B3GALT1: variants seen among roughly 807,000 people sequenced by gnomAD.
B3GALT1 encodes beta-1,3-galactosyltransferase 1.
A neutral mutation model predicts 23.2 loss-of-function variants in B3GALT1; 10 were observed. The ratio of observed to expected loss-of-function variants is 0.43; its 90% CI spans 0.27 to 0.73. The LOEUF (loss-of-function observed/expected upper bound fraction) is 0.73, where lower values mean the gene tolerates loss of function less well. Among genes scored for constraint, B3GALT1 ranks in the 30% least tolerant of loss-of-function variants. The pLI, the probability that B3GALT1 is intolerant of heterozygous loss-of-function variation, is 0.21. For missense variants in B3GALT1, 299 were observed against 405.4 expected, an observed-to-expected ratio of 0.74 and a Z score of 2.25; for synonymous variants, 156 against 141.5, an observed-to-expected ratio of 1.10 and a Z score of -0.73.
chr2:167,586,160 T>G (rs940183021), intron 2 of B3GALT1, among the ~76,000 whole-genome samples: 3 of 152,164 alleles, frequency 2.0e-5, no homozygotes, highest in African/African-American at 7.2e-5. Flanking sequence ...AAAGTTTGCT[T>G]AAAAGTTAGA....
intron 2 of B3GALT1, among the ~76,000 whole-genome samples, chr2:167,592,930 G>C (rs773793139): frequency 1.3e-5 from 2 of 152,210 alleles, no homozygotes; most frequent in Admixed American, 1.3e-4. Context: ...AAGATGGTCA[G>C]TGTCATGCGT....
chr2:167,827,308 C>G (rs1005591262), intron 4 of B3GALT1, among the ~76,000 whole-genome samples: 2 of 152,174 alleles, frequency 1.3e-5, no homozygotes, highest in Non-Finnish European at 2.9e-5. Context: ...AAGCAGGGTA[C>G]AAGGTGGTCT....
chr2:167,729,877 T>G (rs1005086894), intron 3 of B3GALT1, among the ~76,000 whole-genome samples: 1 of 152,174 alleles, frequency 6.6e-6, no homozygotes, highest in Non-Finnish European at 1.5e-5. Context: ...CCTGCCAAGC[T>G]GCAGGTGGTG....
At chr2:167,733,736 T>A (rs545144613) in intron 3 of B3GALT1, among the ~76,000 whole-genome samples, 1 of 152,202 alleles carries the variant, frequency 6.6e-6, no homozygotes, top group Non-Finnish European at 1.5e-5. Flanking sequence ...GTTCTACTAT[T>A]AAACGACCCA....
At chr2:167,658,670 T>C (rs923824775) in intron 3 of B3GALT1, among the ~76,000 whole-genome samples, 2 of 152,098 alleles carry the variant, frequency 1.3e-5, no homozygotes, top group Admixed American at 1.3e-4. Context: ...ATGGAAACTG[T>C]ATGAATAGGT....
chr2:167,359,780 T>C (rs918433798), intron 1 of B3GALT1, among the ~76,000 whole-genome samples: 9 of 144,246 alleles, frequency 6.2e-5, no homozygotes, highest in South Asian at 4.4e-4. Context: ...TTTTTTTTTT[T>C]CTAAACATTT....
At chr2:167,568,727 A>C (rs1259669698) in intron 2 of B3GALT1, among the ~76,000 whole-genome samples, 1 of 151,822 alleles carries the variant, frequency 6.6e-6, no homozygotes, top group Non-Finnish European at 1.5e-5. Context: ...TTAAATTTTC[A>C]TGAAGTCCAG....
chr2:167,505,478 C>T (rs1468056970), intron 2 of B3GALT1, among the ~76,000 whole-genome samples: 2 of 151,990 alleles, frequency 1.3e-5, no homozygotes, highest in Admixed American at 6.6e-5. Context: ...TATCAATGGC[C>T]AAGTTACAGA....
chr2:167,485,856 T>A (rs188864783), intron 1 of B3GALT1, among the ~76,000 whole-genome samples: 148 of 152,334 alleles, frequency 9.7e-4, no homozygotes, highest in African/African-American at 3.3e-3. Flanking sequence ...CATTAAGTTA[T>A]AGCTGCTTAA....
At chr2:167,360,990 C>T (rs180697093) in intron 1 of B3GALT1, among the ~76,000 whole-genome samples, 14 of 152,234 alleles carry the variant, frequency 9.2e-5, no homozygotes, top group African/African-American at 3.4e-4. Context: ...TTTCACTTAA[C>T]GTAATGGCTT....
At chr2:167,761,873 C>A (rs1050476247) in intron 3 of B3GALT1, among the ~76,000 whole-genome samples, 1 of 152,188 alleles carries the variant, frequency 6.6e-6, no homozygotes, top group Non-Finnish European at 1.5e-5. Context: ...CTCTCATGGT[C>A]TCTCATGTCT....
intron 3 of B3GALT1, among the ~76,000 whole-genome samples, chr2:167,778,263 C>A (rs970319241): frequency 5.3e-5 from 8 of 152,114 alleles, no homozygotes; most frequent in Non-Finnish European, 1.0e-4. Flanking sequence ...TTGTGTTCTA[C>A]TGTCTCCTCT....
chr2:167,378,543 G>C (rs975356770), intron 1 of B3GALT1, among the ~76,000 whole-genome samples: 1 of 149,542 alleles, frequency 6.7e-6, no homozygotes, highest in Non-Finnish European at 1.5e-5. Context: ...TTTTATTTTT[G>C]TCTGACTGGG....
intron 2 of B3GALT1, among the ~76,000 whole-genome samples, chr2:167,588,169 T>C (rs2105413220): frequency 6.6e-6 from 1 of 152,346 alleles, no homozygotes; most frequent in East Asian, 1.9e-4. Context: ...AGCTCAGGAC[T>C]ATGCCTTTTA....
intron 2 of B3GALT1, among the ~76,000 whole-genome samples, chr2:167,583,323 C>A (rs941716613): frequency 2.0e-5 from 3 of 152,088 alleles, no homozygotes; most frequent in African/African-American, 7.2e-5. Flanking sequence ...AAAGCATCTT[C>A]TCTACATTTT....
At chr2:167,533,389 A>G (rs1484431266) in intron 2 of B3GALT1, among the ~76,000 whole-genome samples, 1 of 152,074 alleles carries the variant, frequency 6.6e-6, no homozygotes, top group Non-Finnish European at 1.5e-5. Flanking sequence ...CTTTTTAAGA[A>G]TCTATTAATA....
chr2:167,824,794 G>C (rs1449851213), intron 4 of B3GALT1, among the ~76,000 whole-genome samples: 1 of 152,208 alleles, frequency 6.6e-6, no homozygotes, highest in East Asian at 1.9e-4. Flanking sequence ...ACATTTCACA[G>C]AAGTGGGGAA....
intron 1 of B3GALT1, among the ~76,000 whole-genome samples, chr2:167,323,785 G>A (rs1696847801): frequency 6.6e-6 from 1 of 150,838 alleles, no homozygotes. Flanking sequence ...TGAATTTTGT[G>A]TGTAAAACAC....
chr2:167,671,540 C>T (rs964995182), intron 3 of B3GALT1, among the ~76,000 whole-genome samples: 1 of 151,980 alleles, frequency 6.6e-6, no homozygotes, highest in African/African-American at 2.4e-5. Flanking sequence ...GGAAATTAAA[C>T]AACACACACC....
Sources: allele counts gnomAD v4.1 joint callset (sites outside exome capture counted in the v4.1 genomes callset), GRCh38; gene constraint gnomAD v4.1.1; transcripts MANE v1.5; gene names NCBI Gene and HGNC (gene_info 2026-07-23, HGNC 2026-07-21).